Variants in PRMT3 observed in about 807,000 individuals in gnomAD.
The protein encoded by PRMT3 is protein arginine methyltransferase 3, also known as protein arginine N-methyltransferase 3.
A neutral mutation model predicts 71.9 loss-of-function variants in PRMT3; 62 were observed. The ratio of observed to expected loss-of-function variants is 0.86; its 90% CI spans 0.70 to 1.07. The LOEUF is 1.07. Among genes scored for constraint, PRMT3 ranks in the 50% least tolerant of loss-of-function variants. The pLI, the probability that PRMT3 is intolerant of heterozygous loss-of-function variation, is 0.00. For missense variants in PRMT3, 663 were observed against 643.0 expected (o/e 1.03, Z -0.34); for synonymous variants, 213 against 220.4 (o/e 0.97, Z 0.30).
rs753912518 is a variant in PRMT3 at position 20,388,096 on chromosome 11, G to A, written c.106G>A (p.Glu36Lys). 1 of 1,614,086 alleles carries A rather than the reference G, an allele frequency of 6.2e-7. No individual in the cohort carries two copies. The highest frequency in any genetic ancestry group is 1.1e-5 in the South Asian group (1 of 91,088). ...CGGGGACGAGGCCGCCTGGGAGGATGAGGACGATGCAGATCTCCCCCACGG... is the reference window on the plus strand; with the variant it reads ...CGGGGACGAGGCCGCCTGGGAGGATAAGGACGATGCAGATCTCCCCCACGG... ...DSGDEAAWED[E>K]DDADLPHGKQ... The change falls in exon 2 of 16, where the codon GAG becomes AAG. Residue 36 changes from glutamate (E) to lysine (K), a missense_variant. Coordinates refer to ENST00000331079, the MANE Select transcript of PRMT3 (RefSeq NM_005788.4).
intron 13 of PRMT3, among the ~76,000 whole-genome samples, chr11:20,482,657 G>C (rs1467825618): frequency 6.6e-6 from 1 of 152,012 alleles, no homozygotes; most frequent in Non-Finnish European, 1.5e-5. Context: ...GACGTATAAG[G>C]AAGTAATCTT....
intron 5 of PRMT3, among the ~76,000 whole-genome samples, chr11:20,394,430 T>C (rs1848781505): frequency 6.6e-6 from 1 of 152,128 alleles, no homozygotes; most frequent in Non-Finnish European, 1.5e-5. Flanking sequence ...TTACACGCTG[T>C]CCTTAGGAAT....
chr11:20,454,787 C>A (rs887666317), intron 11 of PRMT3, among the ~76,000 whole-genome samples: 3 of 151,888 alleles, frequency 2.0e-5, no homozygotes, highest in Non-Finnish European at 2.9e-5. Flanking sequence ...ATATTGAAGG[C>A]CCATACAAAC....
intron 10 of PRMT3, among the ~76,000 whole-genome samples, chr11:20,439,122 C>T (rs1008010947): frequency 6.6e-6 from 1 of 152,224 alleles, no homozygotes; most frequent in Non-Finnish European, 1.5e-5. Flanking sequence ...GCAGTAGCCA[C>T]ACAGGCACTG....
chr11:20,435,632 C>T (rs1278280311), intron 10 of PRMT3, among the ~76,000 whole-genome samples: 3 of 152,098 alleles, frequency 2.0e-5, no homozygotes, highest in Non-Finnish European at 4.4e-5. Context: ...GGTACCTTTG[C>T]CAAAAATCGG....
chr11:20,463,525 G>A (rs867744341), intron 12 of PRMT3, among the ~76,000 whole-genome samples: 95 of 151,474 alleles, frequency 6.3e-4, no homozygotes, highest in African/African-American at 2.2e-3. Context: ...AAATAGTTGA[G>A]ACAGAAAAAT....
At chr11:20,482,317 C>G (rs1050175294) in intron 13 of PRMT3, among the ~76,000 whole-genome samples, 12 of 146,204 alleles carry the variant, frequency 8.2e-5, no homozygotes, top group Non-Finnish European at 4.4e-5. Flanking sequence ...TCCTAAAATA[C>G]AATTTGAGTG....
chr11:20,450,116 A>G (rs1850115939), intron 10 of PRMT3, among the ~76,000 whole-genome samples: 1 of 152,150 alleles, frequency 6.6e-6, no homozygotes, highest in Non-Finnish European at 1.5e-5. Context: ...CAATTTGACA[A>G]TGACAAATCA....
chr11:20,503,294 A>T (rs1230728733), intron 15 of PRMT3, among the ~76,000 whole-genome samples: 1 of 152,068 alleles, frequency 6.6e-6, no homozygotes, highest in Non-Finnish European at 1.5e-5. Context: ...TCCACTTACT[A>T]TGTACTGAGT....
At position 20,397,709 on chromosome 11, in the gene PRMT3, A is replaced by T. The variant is rs1314068656; in HGVS notation, c.693A>T (p.Glu231Asp). 2 of 1,613,980 alleles carry T rather than the reference A, an allele frequency of 1.2e-6. No individual in the cohort carries two copies. The highest frequency in any genetic ancestry group is 1.7e-6 in the Non-Finnish European group (2 of 1,179,948). ...FSSYGHYGIH[E>D]EMLKDKIRTE... ...CATACGGGCATTATGGGATACATGA[A>T]GAAATGCTAAAGGTTAGAAAAGAAC... Residue 231 changes from glutamate (E) to aspartate (D), a missense_variant, in exon 7 of 16, where the codon GAA (glutamate) becomes GAT (aspartate). Transcript: ENST00000331079.
chr11:20,498,735 A>G (rs1851390899), intron 15 of PRMT3, among the ~76,000 whole-genome samples: 1 of 152,156 alleles, frequency 6.6e-6, no homozygotes. Flanking sequence ...GTCTAGAAGG[A>G]AAAAAAAGAA....
At chr11:20,397,537 A>G (rs775655019) in intron 6 of PRMT3, 40 bp from the exon 7 acceptor site, 1 of 1,607,808 alleles carries the variant, frequency 6.2e-7, no homozygotes, top group Non-Finnish European at 8.5e-7. Flanking sequence ...TTCATGGTCC[A>G]ATAAACCTGT....
intron 15 of PRMT3, among the ~76,000 whole-genome samples, chr11:20,496,514 A>G (rs1851336102): frequency 6.6e-6 from 1 of 151,468 alleles, no homozygotes; most frequent in Admixed American, 6.6e-5. Flanking sequence ...TAAAACATGT[A>G]AGCAACCATA....
At position 20,446,656 on chromosome 11, in the gene PRMT3, A is replaced by G. The variant is rs1304744149; in HGVS notation, c.994-5474A>G. ...GTCTTTCTGTGGGCAGTTTGATGAT[A>G]CATATCAAAATTTTGAATGTGCCTA... is the stretch of plus-strand genomic sequence containing the variant. On this transcript the variant is annotated intron_variant, in intron 10 of 15. Coordinates refer to ENST00000331079, the MANE Select transcript of PRMT3 (RefSeq NM_005788.4). 5.3e-5 allele frequency among the ~76,000 whole-genome samples: 8 copies of G among 152,308 alleles called. No homozygotes were observed. The East Asian group carries it at 9.6e-4, about 18-fold the overall frequency.
chr11:20,435,229 T>G (rs1272446959), intron 10 of PRMT3, among the ~76,000 whole-genome samples: 1 of 152,158 alleles, frequency 6.6e-6, no homozygotes, highest in African/African-American at 2.4e-5. Flanking sequence ...TTTAATTCAT[T>G]TATTTTCTGT....
intron 8 of PRMT3, 63 bp downstream of exon 8, chr11:20,403,047 C>T (rs115945499): frequency 1.9e-5 from 23 of 1,216,802 alleles, no homozygotes; most frequent in Non-Finnish European, 2.5e-5. Context: ...GAAATCCTCT[C>T]TTGGCTCATC....
intron 7 of PRMT3, among the ~76,000 whole-genome samples, chr11:20,400,967 A>G (rs960196704): frequency 9.2e-5 from 8 of 86,912 alleles, no homozygotes; most frequent in Admixed American, 4.9e-4. Context: ...TTTCGTATTT[A>G]TTGGATTTTT....
chr11:20,477,531 G>C (rs1008747713), intron 13 of PRMT3, among the ~76,000 whole-genome samples: 1 of 151,340 alleles, frequency 6.6e-6, no homozygotes, highest in Non-Finnish European at 1.5e-5. Flanking sequence ...ACTCCAGCCT[G>C]GGTGACAGAG....
intron 13 of PRMT3, among the ~76,000 whole-genome samples, chr11:20,477,802 A>ACC (rs147395508): frequency 0.012 from 1,395 of 116,476 alleles, 10 homozygotes; most frequent in Non-Finnish European, 0.02. Flanking sequence ...CTTAGGAGAA[A>ACC]CCCCCCCCCC....
Sources: allele counts gnomAD v4.1 joint callset (sites outside exome capture counted in the v4.1 genomes callset), GRCh38; gene constraint gnomAD v4.1.1; transcripts MANE v1.5; gene names NCBI Gene and HGNC (gene_info 2026-07-23, HGNC 2026-07-21).